The following CAST variants were observed in gnomAD, a reference collection of about 807,000 sequenced individuals.
The protein encoded by CAST is calpastatin.
A neutral mutation model predicts 119.6 loss-of-function variants in CAST; 76 were observed. The observed-to-expected ratio is 0.64, with a 90% CI of 0.53 to 0.77. CAST has a LOEUF of 0.77. CAST is among the 30% of genes least tolerant of loss of function. The probability of loss-of-function intolerance (pLI) is 0.00; values close to 1 mark genes in which losing one functional copy is unlikely to be tolerated. For synonymous variants in CAST, 319 were observed against 331.6 expected (o/e 0.96, Z 0.41); for missense variants, 953 against 946.5 (o/e 1.01, Z -0.09).
the CAST span, among the ~76,000 whole-genome samples, chr5:96,435,171 AGAG>A: frequency 6.6e-6 from 1 of 152,106 alleles, no homozygotes; most frequent in African/African-American, 2.4e-5. Flanking sequence ...TAGATGTGTC[AGAG>A]GAGGAACATA....
chr5:96,049,946 T>C, the CAST span, among the ~76,000 whole-genome samples: 332 of 81,154 alleles, frequency 4.1e-3, 2 homozygotes, highest in East Asian at 0.011. Flanking sequence ...AAGAAGGAGA[T>C]GAGGAAAAAA....
At chr5:96,605,337 G>A (rs944902405) in intron 1 of CAST, among the ~76,000 whole-genome samples, 2 of 152,216 alleles carry the variant, frequency 1.3e-5, no homozygotes, top group African/African-American at 2.4e-5. Flanking sequence ...CTAGGCAGAT[G>A]TCAACAGCCA....
At chr5:96,103,951 G>A in the CAST span, among the ~76,000 whole-genome samples, 1 of 152,190 alleles carries the variant, frequency 6.6e-6, no homozygotes, top group South Asian at 2.1e-4. Context: ...CTGATGGCCA[G>A]TGATGGTGAG....
chr5:96,042,438 C>T, the CAST span, among the ~76,000 whole-genome samples: 1 of 152,084 alleles, frequency 6.6e-6, no homozygotes, highest in Non-Finnish European at 1.5e-5. Flanking sequence ...CAGATTGCTA[C>T]CCTATTTATT....
At chr5:96,296,318 A>G in the CAST span, among the ~76,000 whole-genome samples, 2 of 152,138 alleles carry the variant, frequency 1.3e-5, no homozygotes, top group Non-Finnish European at 2.9e-5. Flanking sequence ...CATTCTTCCC[A>G]CTGAAAATTG....
chr5:96,525,368 G>A (rs1052074295), upstream of CAST: 6 of 152,160 alleles, frequency 3.9e-5, no homozygotes, highest in African/African-American at 1.4e-4. Context: ...TTATATGCCA[G>A]AGCCAAGTCT....
At chr5:96,178,465 C>T in the CAST span, among the ~76,000 whole-genome samples, 1 of 152,050 alleles carries the variant, frequency 6.6e-6, no homozygotes, top group South Asian at 2.1e-4. Flanking sequence ...AAAAAATACT[C>T]AGTTCTCCTG....
intron 1 of CAST, among the ~76,000 whole-genome samples, chr5:96,612,007 G>T (rs1053477278): frequency 6.6e-6 from 1 of 152,186 alleles, no homozygotes; most frequent in African/African-American, 2.4e-5. Flanking sequence ...ATGTAAATTT[G>T]TTCAGCCACT....
chr5:96,031,723 TTTTG>T, the CAST span, among the ~76,000 whole-genome samples: 5 of 152,160 alleles, frequency 3.3e-5, no homozygotes, highest in Non-Finnish European at 7.4e-5. Context: ...ACTGTTTTTG[TTTTG>T]TTTTTCTTCA....
the CAST span, among the ~76,000 whole-genome samples, chr5:96,228,195 G>A: frequency 1.4e-4 from 22 of 152,094 alleles, no homozygotes; most frequent in Admixed American, 2.0e-4. Context: ...GAAAGAGCTC[G>A]ATTCAGCTAG....
At chr5:96,464,164 C>A in the CAST span, among the ~76,000 whole-genome samples, 1 of 151,926 alleles carries the variant, frequency 6.6e-6, no homozygotes, top group Non-Finnish European at 1.5e-5. Flanking sequence ...GATGTGAACA[C>A]ACTTTTACTG....
the CAST span, among the ~76,000 whole-genome samples, chr5:96,039,215 G>C: frequency 6.6e-6 from 1 of 151,852 alleles, no homozygotes; most frequent in African/African-American, 2.4e-5. Flanking sequence ...TTTTTTGATG[G>C]GGTTGTTTGC....
At chr5:96,306,800 G>T in the CAST span, among the ~76,000 whole-genome samples, 1 of 152,068 alleles carries the variant, frequency 6.6e-6, no homozygotes, top group African/African-American at 2.4e-5. Flanking sequence ...TTGATTGCCT[G>T]GTGGTCTGAG....
At chr5:96,502,619 TC>T in the CAST span, among the ~76,000 whole-genome samples, 45 of 42,198 alleles carry the variant, frequency 1.1e-3, no homozygotes, top group South Asian at 0.062. Flanking sequence ...ACCTAGTCTT[TC>T]TTTCTTTCTT....
chr5:96,768,510 T>C (rs1041921364), intron 29 of CAST: 5 of 402,786 alleles, frequency 1.2e-5, no homozygotes, highest in Non-Finnish European at 2.4e-5. Context: ...TCCTTTTTTT[T>C]CTATATGTAT....
the CAST span, chr5:95,961,576 T>C: frequency 3.6e-5 from 58 of 1,591,854 alleles, no homozygotes; most frequent in East Asian, 4.7e-5. Context: ...CCCGCTCACC[T>C]TGTGGCTCTG....
At chr5:96,601,413 C>T (rs1368231087) in intron 1 of CAST, among the ~76,000 whole-genome samples, 1 of 152,240 alleles carries the variant, frequency 6.6e-6, no homozygotes, top group East Asian at 1.9e-4. Context: ...AATAAAGTCT[C>T]ACCCAGGACT....
At chr5:96,349,137 C>CTTTTTTTTTTTTTTTTTTTTTT in the CAST span, among the ~76,000 whole-genome samples, 9 of 31,318 alleles carry the variant, frequency 2.9e-4, no homozygotes, top group African/African-American at 1.4e-3. Context: ...AACAAGGACA[C>CTTTTTTTTTTTTTTTTTTTTTT]TATTTTTTTT....
Position 96,531,728 on chromosome 5 carries a change from T to C in CAST, c.60+1848T>C, listed in dbSNP as rs1745692725. The stretch of plus-strand genomic sequence containing the variant: ...GGAAGTGAAAATTTAACATATGGAA[T>C]AGAAAAGAAACTTCATTAAACTTTC... On this transcript the variant is annotated intron_variant, in intron 1 of 11. Transcript: ENST00000505143. Among the ~76,000 whole-genome samples, 2 of 152,128 alleles carry C rather than the reference T, an allele frequency of 1.3e-5. 1 individual carries two copies. The highest frequency in any genetic ancestry group is 1.3e-4 in the Admixed American group (2 of 15,278).
Sources: allele counts gnomAD v4.1 joint callset (sites outside exome capture counted in the v4.1 genomes callset), GRCh38; gene constraint gnomAD v4.1.1; transcripts MANE v1.5; gene names NCBI Gene and HGNC (gene_info 2026-07-23, HGNC 2026-07-21).